Variants in PTGFRN observed in about 807,000 individuals in gnomAD.
PTGFRN encodes the protein prostaglandin F2 receptor inhibitor.
Under a neutral mutation model 83.2 loss-of-function variants are expected in PTGFRN, and 35 were observed. The ratio of observed to expected loss-of-function variants is 0.42; its 90% confidence interval spans 0.32 to 0.56. The LOEUF (loss-of-function observed/expected upper bound fraction) is 0.56. Among genes scored for constraint, PTGFRN ranks in the 20% least tolerant of loss-of-function variants. PTGFRN has a pLI of 0.11. For missense variants in PTGFRN, 1,051 were observed against 1,179.5 expected, an observed-to-expected ratio of 0.89 and a Z score of 1.60; for synonymous variants, 519 against 498.6, an observed-to-expected ratio of 1.04 and a Z score of -0.55.
chr1:116,918,165 G>C lies in PTGFRN; in HGVS notation c.49+7913G>C, dbSNP rs187237835. Among the ~76,000 whole-genome samples, 72 of 152,190 alleles carry C rather than the reference G, an allele frequency of 4.7e-4. No individual in the cohort carries two copies. The highest frequency in any genetic ancestry group is 7.5e-4 in the Non-Finnish European group (51 of 67,996). ...ATGTGTGTTTTTAAAATCTACTTCT[G>C]TTCTTTATACCCTTCCAGCCTTACT... is the stretch of plus-strand genomic sequence containing the variant. On this transcript the variant is annotated intron_variant, in intron 1 of 8. Coordinates refer to ENST00000393203, the MANE Select transcript of PTGFRN (RefSeq NM_020440.4). The surrounding 1 kb of genome is among the most constrained non-coding windows in gnomAD (Gnocchi z 4.1).
chr1:116,932,914 G>T (rs1649833886), intron 1 of PTGFRN, among the ~76,000 whole-genome samples: 1 of 152,174 alleles, frequency 6.6e-6, no homozygotes, highest in Non-Finnish European at 1.5e-5. Context: ...TGACCTTCAG[G>T]AGGTTATTCA....
At chr1:116,949,787 C>A (rs1427777224) in intron 4 of PTGFRN, among the ~76,000 whole-genome samples, 1 of 152,224 alleles carries the variant, frequency 6.6e-6, no homozygotes, top group Non-Finnish European at 1.5e-5. Flanking sequence ...TCAGTTGTCT[C>A]AATACCCTCA....
chr1:116,964,181 T>C (rs1650760743), intron 5 of PTGFRN, among the ~76,000 whole-genome samples: 1 of 152,168 alleles, frequency 6.6e-6, no homozygotes, highest in African/African-American at 2.4e-5. Context: ...ATAACAACAA[T>C]ATTTGACGTA....
In PTGFRN at chr1:116,910,132, G is replaced by A. The variant is rs1649220911; in HGVS notation, c.-72G>A. Reference sequence around the variant, plus strand: ...GAGCGCCGACTCTGGAGCAGCCGGAGCTGGAAGAGGAGGAGGAGGAGAGGC... The same window carrying A: ...GAGCGCCGACTCTGGAGCAGCCGGAACTGGAAGAGGAGGAGGAGGAGAGGC... On this transcript the variant is annotated 5_prime_UTR_variant, in exon 1 of 9. Transcript: ENST00000393203. 8.8e-6 allele frequency: 13 copies of A among 1,477,224 alleles called. No homozygotes were observed. Among genetic ancestry groups the A allele is most frequent in the African/African-American group, 2.9e-5 (2 of 69,702 alleles). The allele number at this position is 1,477,224 out of a possible 1,614,324, so 91.5% of individuals were successfully genotyped here.
At chr1:116,928,052 C>A (rs890126578) in intron 1 of PTGFRN, among the ~76,000 whole-genome samples, 1 of 152,196 alleles carries the variant, frequency 6.6e-6, no homozygotes. Context: ...AGATTTAAGT[C>A]TCTGGACCAC....
Position 116,967,165 on chromosome 1 carries a change from A to G in PTGFRN, c.1894A>G (p.Lys632Glu). The G allele has an allele frequency of 6.2e-7, 1 of 1,614,212 alleles. No individual in the cohort carries two copies. The highest frequency in any genetic ancestry group is 8.5e-7 in the Non-Finnish European group (1 of 1,180,040). ...ACGGGTGGATGGCGTTGTTTTAGAA[A>G]AAGTGCAGGAGGATGAGTTCCGCTA... Reference protein sequence around the residue: ...ASRVDGVVLEKVQEDEFRYRM... With the variant: ...ASRVDGVVLEEVQEDEFRYRM... The change falls in exon 6 of 9, where the codon AAA becomes GAA. Residue 632 changes from lysine to glutamate, a missense_variant. Physicochemically the swap from Lys to Glu is moderately conservative, Grantham distance 56. Transcript: ENST00000393203.
At chr1:116,914,708 C>G (rs376274949) in intron 1 of PTGFRN, among the ~76,000 whole-genome samples, 16 of 151,466 alleles carry the variant, frequency 1.1e-4, no homozygotes, top group African/African-American at 3.6e-4. Context: ...GGACCGTGAT[C>G]GCACCACTGC....
At chr1:116,973,288 C>T (rs919666279) in intron 6 of PTGFRN, among the ~76,000 whole-genome samples, 1 of 152,132 alleles carries the variant, frequency 6.6e-6, no homozygotes, top group African/African-American at 2.4e-5. Context: ...TTTCCATATA[C>T]TCCCAACTCT....
chr1:116,973,050 C>A (rs2101084274), intron 6 of PTGFRN, among the ~76,000 whole-genome samples: 1 of 152,200 alleles, frequency 6.6e-6, no homozygotes, highest in South Asian at 2.1e-4. Flanking sequence ...CCTCAGTCAC[C>A]TGAGTAGCTG....
chr1:116,921,679 T>C (rs1649540607), intron 1 of PTGFRN, among the ~76,000 whole-genome samples: 1 of 152,176 alleles, frequency 6.6e-6, no homozygotes, highest in African/African-American at 2.4e-5. Context: ...ATTGACTCTG[T>C]TTCTGACATT....
intron 1 of PTGFRN, among the ~76,000 whole-genome samples, chr1:116,929,792 C>A (rs1293997473): frequency 6.6e-6 from 1 of 152,164 alleles, no homozygotes; most frequent in Non-Finnish European, 1.5e-5. Flanking sequence ...GTCCCCAGTG[C>A]CTAGAAGGTG....
intron 3 of PTGFRN, among the ~76,000 whole-genome samples, chr1:116,948,736 A>T (rs756848594): frequency 5.9e-5 from 9 of 152,222 alleles, no homozygotes; most frequent in African/African-American, 2.2e-4. Flanking sequence ...TACAGTCTTC[A>T]ATAGACTGCT....
At chr1:116,970,010 A>G (rs1650946143) in intron 6 of PTGFRN, among the ~76,000 whole-genome samples, 2 of 152,140 alleles carry the variant, frequency 1.3e-5, no homozygotes, top group Admixed American at 1.3e-4. Flanking sequence ...ACTTGTTACA[A>G]TTTTTAAAAT....
chr1:116,986,060 C>T (rs1008542524), intron 8 of PTGFRN, among the ~76,000 whole-genome samples: 4 of 152,200 alleles, frequency 2.6e-5, no homozygotes, highest in African/African-American at 9.7e-5. Context: ...CTTCCACAGA[C>T]TACTTAGCCT....
chr1:116,965,203 C>T (rs1245505739), intron 5 of PTGFRN, among the ~76,000 whole-genome samples: 7 of 152,212 alleles, frequency 4.6e-5, no homozygotes, highest in South Asian at 4.1e-4. Flanking sequence ...GCTGTTCCAT[C>T]AGTCTAGAAT....
chr1:116,949,333 T>C lies in PTGFRN; in HGVS notation c.974T>C (p.Leu325Pro). ...WSFSRMPDST[L>P]PGSRVLARLD... ...TTCAGCAGGATGCCTGACAGCACCC[T>C]ACCTGGCTCCCGCGTGTTGGCGCGG... The change falls in exon 4 of 9, where the codon CTA becomes CCA. Residue 325 changes from leucine to proline, a missense_variant. Leu to Pro is a moderately conservative substitution (Grantham distance 98). Transcript: ENST00000393203. 6.2e-7 allele frequency: 1 copy of C among 1,614,294 alleles called. No individual in the cohort carries two copies.
At chr1:116,911,765 C>G (rs995189420) in intron 1 of PTGFRN, among the ~76,000 whole-genome samples, 2 of 152,230 alleles carry the variant, frequency 1.3e-5, no homozygotes, top group Admixed American at 6.5e-5. Context: ...ACCTCAGTCT[C>G]CTGAAGTGCT....
At chr1:116,938,717 TAACTC>T (rs887080443) in intron 1 of PTGFRN, among the ~76,000 whole-genome samples, 1 of 152,194 alleles carries the variant, frequency 6.6e-6, no homozygotes, top group Admixed American at 6.5e-5. Flanking sequence ...CCCAAAGTCT[TAACTC>T]ATTTCAGCAT....
chr1:116,964,867 A>G (rs1325722720), intron 5 of PTGFRN, among the ~76,000 whole-genome samples: 2 of 152,248 alleles, frequency 1.3e-5, no homozygotes, highest in East Asian at 1.9e-4. Context: ...ACACTCTGCC[A>G]TTTATGGCGC....
Sources: allele counts gnomAD v4.1 joint callset (sites outside exome capture counted in the v4.1 genomes callset), GRCh38; gene constraint gnomAD v4.1.1; non-coding constraint Gnocchi (gnomAD v3.1); transcripts MANE v1.5; gene names NCBI Gene and HGNC (gene_info 2026-07-23, HGNC 2026-07-21).